STIM1: variants seen among roughly 807,000 people sequenced by gnomAD.
STIM1 encodes stromal interaction molecule 1.
A neutral mutation model predicts 74.7 loss-of-function variants in STIM1; 25 were observed. That is an observed-to-expected ratio of 0.33 (90% CI 0.24 to 0.47). STIM1 has a LOEUF of 0.47. Among genes scored for constraint, STIM1 ranks in the 20% least tolerant of loss-of-function variants. STIM1 has a pLI of 1.00. For synonymous variants in STIM1, 328 were observed against 348.8 expected, an observed-to-expected ratio of 0.94 and a Z score of 0.66; for missense variants, 728 against 920.8, an observed-to-expected ratio of 0.79 and a Z score of 2.71.
Position 4,002,973 on chromosome 11 carries a change from T to A in STIM1, c.271-20900T>A, listed in dbSNP as rs11493213. Among the ~76,000 whole-genome samples, 678 of 143,500 alleles carry A rather than the reference T, an allele frequency of 4.7e-3. 1 individual carries two copies. The highest frequency in any genetic ancestry group is 7.0e-3 in the Non-Finnish European group (443 of 63,266). The allele number at this position is 143,500 out of a possible 152,430, so 94.1% of individuals were successfully genotyped here. A position where few individuals can be genotyped will look rare whatever the true frequency, so the allele number is the denominator to read the frequency against. On this transcript the variant is annotated intron_variant, in intron 2 of 12. Transcript: ENST00000526596. ...TACTACAAACACCTCTATGCAAATA[T>A]ACTAGAAAATCTAGAAGAAATGGAT...
chr11:3,858,648 T>C (rs1488682550), intron 1 of STIM1, among the ~76,000 whole-genome samples: 1 of 152,222 alleles, frequency 6.6e-6, no homozygotes, highest in Non-Finnish European at 1.5e-5. Flanking sequence ...TCTATGCAAC[T>C]AGGAACTCTT....
intron 1 of STIM1, among the ~76,000 whole-genome samples, chr11:3,878,789 A>G (rs2091390175): frequency 6.6e-6 from 1 of 152,076 alleles, no homozygotes; most frequent in Non-Finnish European, 1.5e-5. Flanking sequence ...CCCTCCCCAT[A>G]GCTCATGTTA....
intron 4 of STIM1, among the ~76,000 whole-genome samples, chr11:4,056,384 C>T (rs1472667374): frequency 2.6e-5 from 4 of 152,222 alleles, no homozygotes; most frequent in South Asian, 2.1e-4. Flanking sequence ...GCCATTCAGT[C>T]ATTAATCCAT....
At chr11:3,903,911 G>A (rs1389837284) in intron 1 of STIM1, among the ~76,000 whole-genome samples, 1 of 152,102 alleles carries the variant, frequency 6.6e-6, no homozygotes, top group Non-Finnish European at 1.5e-5. Flanking sequence ...AAAATGTCCT[G>A]GGAAAGGCTG....
At chr11:4,000,110 G>A (rs2093699742) in intron 2 of STIM1, among the ~76,000 whole-genome samples, 1 of 152,024 alleles carries the variant, frequency 6.6e-6, no homozygotes, top group Non-Finnish European at 1.5e-5. Flanking sequence ...GCCCACCACG[G>A]CTCAAGGAGG....
intron 1 of STIM1, among the ~76,000 whole-genome samples, chr11:3,923,099 CA>C (rs142720800): frequency 0.59 from 70,122 of 118,986 alleles, 17,057 homozygotes; most frequent in East Asian, 0.68. Context: ...GACTCCGTCT[CA>C]AAAAAAAAAA....
At chr11:4,009,716 C>CA (rs1436971377) in intron 2 of STIM1, among the ~76,000 whole-genome samples, 9 of 152,142 alleles carry the variant, frequency 5.9e-5, no homozygotes, top group African/African-American at 2.2e-4. Flanking sequence ...AACCTCATGA[C>CA]AAGTCCCTTA....
chr11:3,964,727 CTT>C (rs796758787), intron 1 of STIM1, among the ~76,000 whole-genome samples: 48 of 141,926 alleles, frequency 3.4e-4, no homozygotes, highest in Non-Finnish European at 2.5e-4. Context: ...TTCTTTAATT[CTT>C]TTTTTTTTTT....
intron 1 of STIM1, among the ~76,000 whole-genome samples, chr11:3,936,645 C>T (rs2092934909): frequency 6.6e-6 from 1 of 152,192 alleles, no homozygotes. Context: ...ATGATAGTCT[C>T]ATATGTTCTG....
intron 2 of STIM1, among the ~76,000 whole-genome samples, chr11:4,016,259 G>A (rs992959452): frequency 6.6e-6 from 1 of 152,148 alleles, no homozygotes; most frequent in African/African-American, 2.4e-5. Context: ...TGATGTTGAT[G>A]CTATTCCTTT....
chr11:3,911,230 A>G (rs2135479740), intron 1 of STIM1, among the ~76,000 whole-genome samples: 1 of 152,198 alleles, frequency 6.6e-6, no homozygotes, highest in Middle Eastern at 3.4e-3. Context: ...ACTGTGGCCC[A>G]CCTCTGCTCA....
chr11:3,862,889 C>G (rs2090679459), intron 1 of STIM1, among the ~76,000 whole-genome samples: 1 of 152,004 alleles, frequency 6.6e-6, no homozygotes, highest in Non-Finnish European at 1.5e-5. Flanking sequence ...CGCACACACA[C>G]ACACACACAC....
intron 1 of STIM1, among the ~76,000 whole-genome samples, chr11:3,945,001 T>C (rs1240211459): frequency 6.6e-6 from 1 of 152,174 alleles, no homozygotes; most frequent in Non-Finnish European, 1.5e-5. Flanking sequence ...CTGACTTCCC[T>C]CTATCACAGT....
intron 2 of STIM1, among the ~76,000 whole-genome samples, chr11:3,990,732 G>A (rs1372298021): frequency 6.6e-6 from 1 of 152,008 alleles, no homozygotes; most frequent in Non-Finnish European, 1.5e-5. Flanking sequence ...TGTGCTTAAT[G>A]GTTATTTGTA....
chr11:3,892,815 A>G (rs2091937925), intron 1 of STIM1: 2 of 1,612,956 alleles, frequency 1.2e-6, no homozygotes, highest in South Asian at 2.2e-5. Context: ...TTGTCTGCAA[A>G]TAGCTTGAAG....
chr11:3,878,244 A>T (rs2091371223), intron 1 of STIM1, among the ~76,000 whole-genome samples: 2 of 152,104 alleles, frequency 1.3e-5, no homozygotes, highest in Non-Finnish European at 2.9e-5. Flanking sequence ...AAGAAAAGGG[A>T]ACTTTTGCTG....
intron 1 of STIM1, among the ~76,000 whole-genome samples, chr11:3,937,525 C>A (rs1217505533): frequency 6.6e-6 from 1 of 152,068 alleles, no homozygotes; most frequent in East Asian, 1.9e-4. Flanking sequence ...TGGTGTTGCA[C>A]AGTATGGCTT....
intron 2 of STIM1, among the ~76,000 whole-genome samples, chr11:3,978,610 A>T (rs559726092): frequency 2.0e-4 from 30 of 151,534 alleles, no homozygotes; most frequent in Non-Finnish European, 3.4e-4. Flanking sequence ...AAAATACACA[A>T]ATTAGCTGGG....
intron 12 of STIM1, among the ~76,000 whole-genome samples, chr11:4,088,209 C>G (rs1189824810): frequency 1.3e-5 from 2 of 152,132 alleles, no homozygotes; most frequent in Non-Finnish European, 2.9e-5. Flanking sequence ...GAGATAGTAG[C>G]CTTGACCTTG....
Sources: allele counts gnomAD v4.1 joint callset (sites outside exome capture counted in the v4.1 genomes callset), GRCh38; gene constraint gnomAD v4.1.1; transcripts MANE v1.5; gene names NCBI Gene and HGNC (gene_info 2026-07-23, HGNC 2026-07-21).